Variants in DUSP4 observed in about 807,000 individuals in gnomAD.
DUSP4 encodes the protein dual specificity phosphatase 4, also known as dual specificity protein phosphatase 4.
In DUSP4, 12 loss-of-function variants were observed where a neutral mutation model predicts 27.2. The ratio of observed to expected loss-of-function variants is 0.44; its 90% CI spans 0.28 to 0.71. DUSP4 has a LOEUF of 0.71. Among genes scored for constraint, DUSP4 ranks in the 30% least tolerant of loss-of-function variants. The pLI, the probability that DUSP4 is intolerant of heterozygous loss-of-function variation, is 0.14. For missense variants in DUSP4, 448 were observed against 551.3 expected (o/e 0.81, Z 1.88); for synonymous variants, 257 against 245.2 (o/e 1.05, Z -0.45).
At chr8:29,347,685 G>A (rs1817754741) in intron 1 of DUSP4, 1 of 935,268 alleles carries the variant, frequency 1.1e-6, no homozygotes, top group South Asian at 4.9e-5. Flanking sequence ...CCCGCGTCGG[G>A]GCCGACTACG....
Position 29,336,497 on chromosome 8 carries a change from C to G in DUSP4, c.*529G>C, listed in dbSNP as rs1817574618. On this transcript the variant is annotated 3_prime_UTR_variant, in exon 4 of 4. Transcript: ENST00000240100. ...TACTTTATTATTAAGCATAATTATT[C>G]ATCTGTTGGTGACTGAGAAATGAAA... 1 of 152,482 alleles carries G rather than the reference C, an allele frequency of 6.6e-6. No individual in the cohort carries two copies. Among genetic ancestry groups the G allele is most frequent in the African/African-American group, 2.4e-5 (1 of 41,424 alleles). The allele number at this position is 152,482 out of a possible 1,614,324, so 9.4% of individuals were successfully genotyped here.
chr8:29,345,412 G>A, intron 1 of DUSP4: 1 of 1,613,790 alleles, frequency 6.2e-7, no homozygotes, highest in Non-Finnish European at 8.5e-7. Context: ...CCTGCCAGCT[G>A]GCTGACACCT....
chr8:29,338,524 G>A (rs1817612218), intron 2 of DUSP4, 23 bp from the exon 3 acceptor site: 20 of 1,605,216 alleles, frequency 1.2e-5, no homozygotes, highest in Non-Finnish European at 1.3e-5. Context: ...GGAAACAAAG[G>A]CCCCTGAATG....
Position 29,338,432 on chromosome 8 carries a change from G to C in DUSP4, c.649C>G (p.Leu217Val). The C allele has an allele frequency of 6.2e-7, 1 of 1,614,200 alleles. No homozygotes were observed. The highest frequency in any genetic ancestry group is 8.5e-7 in the Non-Finnish European group (1 of 1,180,042). The change falls in exon 3 of 4, where the codon CTG becomes GTG. Residue 217 changes from leucine to valine, a missense_variant. By Grantham distance (32) the Leu-to-Val change is conservative. Transcript: ENST00000240100. ...SAYHAARRDM[L>V]DALGITALLN... is the part of the protein sequence containing the mutation. Reference sequence around the variant, plus strand: ...AGAGCCGTGATGCCCAGGGCGTCCAGCATGTCTCTCCGGGCAGCATGGTAG... The same window carrying C: ...AGAGCCGTGATGCCCAGGGCGTCCACCATGTCTCTCCGGGCAGCATGGTAG...
In DUSP4 at chr8:29,335,445, C is replaced by T. The variant is rs1032553534; in HGVS notation, c.*1581G>A. 1 of 152,214 alleles carries T rather than the reference C, an allele frequency of 6.6e-6. No homozygotes were observed. The highest frequency in any genetic ancestry group is 2.4e-5 in the African/African-American group (1 of 41,436). 9.4% of individuals were successfully genotyped at this position (152,214 alleles called of 1,614,324 possible). On this transcript the variant is annotated 3_prime_UTR_variant, in exon 4 of 4. Transcript: ENST00000240100. ...TTGGGAAATTCATACCAATGGAATC[C>T]GATGTAAGCAATCCACCATCAGCTC...
In DUSP4 at chr8:29,337,289, C is replaced by T. The variant is rs1276207916; in HGVS notation, c.922G>A (p.Glu308Lys). ...KKRVRLEEAF[E>K]FVKQRRSIIS... Reference sequence around the variant, plus strand: ...ATGCTGCGGCGCTGCTTAACGAACTCGAAGGCCTCCTCCAGCCTCACCCGT... The same window carrying T: ...ATGCTGCGGCGCTGCTTAACGAACTTGAAGGCCTCCTCCAGCCTCACCCGT... The change falls in exon 4 of 4, where the codon GAG (glutamate) becomes AAG (lysine). Residue 308 changes from glutamate (E) to lysine (K), a missense_variant. Physicochemically the swap from Glu to Lys is moderately conservative, Grantham distance 56. Transcript: ENST00000240100. The surrounding 1 kb of genome is among the most constrained non-coding windows in gnomAD (Gnocchi z 6.4). 7.4e-6 allele frequency: 12 copies of T among 1,613,312 alleles called. No homozygotes were observed. Among genetic ancestry groups the T allele is most frequent in the Admixed American group, 1.7e-5 (1 of 60,012 alleles).
rs780767138 is a variant in DUSP4, at chr8:29,350,210, C to G, written c.69G>C (p.Glu23Asp). 1.9e-6 allele frequency: 3 copies of G among 1,608,720 alleles called. No individual in the cohort carries two copies. In the Admixed American group the frequency reaches 5.0e-5, roughly 27 times the overall value. ...SVLKRLMNRDENGGGAGGSGS... is the reference protein window; with the variant it reads ...SVLKRLMNRDDNGGGAGGSGS... ...CGCTGCCGCCCGCGCCGCCGCCATT[C>G]TCGTCCCGGTTCATCAGCCTTTTGA... The change falls in exon 1 of 4, where the codon GAG (glutamate) becomes GAC (aspartate). Residue 23 changes from glutamate to aspartate, a missense_variant. Glu to Asp is a conservative substitution (Grantham distance 45). This residue lies in a region of DUSP4 where 345 missense variants were observed against 394.0 expected (regional missense o/e 0.88). Coordinates refer to ENST00000240100, the MANE Select transcript of DUSP4 (RefSeq NM_001394.7).
intron 1 of DUSP4, chr8:29,347,934 G>C: frequency 1.0e-6 from 1 of 985,456 alleles, no homozygotes; most frequent in Non-Finnish European, 1.2e-6. Context: ...GCGCGCCCTG[G>C]GGATAAATCT....
intron 1 of DUSP4, chr8:29,348,404 T>C: frequency 1.0e-6 from 1 of 985,578 alleles, no homozygotes; most frequent in Non-Finnish European, 1.2e-6. Flanking sequence ...TGGCACTTTC[T>C]CTTGGAGCGC....
chr8:29,336,584 A>T lies in DUSP4; in HGVS notation c.*442T>A, dbSNP rs1817576238. The stretch of plus-strand genomic sequence containing the variant: ...TCCTTTAACTACAACAACGACAACA[A>T]AGGGACAAGTACACAGAACCAGGCA... On this transcript the variant is annotated 3_prime_UTR_variant, in exon 4 of 4. Coordinates refer to ENST00000240100, the MANE Select transcript of DUSP4 (RefSeq NM_001394.7). 2 of 158,584 alleles carry T rather than the reference A, an allele frequency of 1.3e-5. No individual in the cohort carries two copies. The highest frequency in any genetic ancestry group is 2.8e-5 in the Non-Finnish European group (2 of 72,438). 9.8% of individuals were successfully genotyped at this position (158,584 alleles called of 1,614,324 possible). A position where few individuals can be genotyped will look rare whatever the true frequency, so the allele number is the denominator to read the frequency against.
In DUSP4 at chr8:29,338,253, C is replaced by A. The variant is rs112844386; in HGVS notation, c.799+29G>T. ...TTATCCTTCCCACCCGCCCTCAAAC[C>A]CAGGAACCCCAGAGCAGGGCCAGCC... On this transcript the variant is annotated intron_variant, in intron 3 of 3. Coordinates refer to ENST00000240100, the MANE Select transcript of DUSP4 (RefSeq NM_001394.7). 6 of 1,611,148 alleles carry A rather than the reference C, an allele frequency of 3.7e-6. No homozygotes were observed. In the African/African-American group the frequency reaches 5.3e-5, roughly 14 times the overall value.
chr8:29,350,304 G>A lies in DUSP4; in HGVS notation c.-26C>T, dbSNP rs751084974. On this transcript the variant is annotated 5_prime_UTR_variant, in exon 1 of 4. Transcript: ENST00000240100. ...GGTCGCCGGGAACCGAGGCGGCTGG[G>A]CGCGCGAGGAAGAGAAGAGAACCCG... 6.4e-7 allele frequency: 1 copy of A among 1,552,590 alleles called. No individual in the cohort carries two copies. Among genetic ancestry groups the A allele is most frequent in the Non-Finnish European group, 8.7e-7 (1 of 1,150,966 alleles).
chr8:29,335,454 C>A lies in DUSP4; in HGVS notation c.*1572G>T, dbSNP rs561059009. ...TCATACCAATGGAATCCGATGTAAG[C>A]AATCCACCATCAGCTCACTGATGCT... On this transcript the variant is annotated 3_prime_UTR_variant, in exon 4 of 4. Transcript: ENST00000240100. 1.3e-5 allele frequency: 2 copies of A among 152,370 alleles called. No homozygotes were observed. The highest frequency in any genetic ancestry group is 4.1e-4 in the South Asian group (2 of 4,828). The allele number at this position is 152,370 out of a possible 1,614,324, so 9.4% of individuals were successfully genotyped here.
intron 1 of DUSP4, chr8:29,346,200 G>C (rs1817732896): frequency 2.2e-6 from 1 of 449,340 alleles, no homozygotes; most frequent in Middle Eastern, 1.2e-3. Context: ...ATCATGGGCT[G>C]TATGGTCAGG....
At chr8:29,338,134 T>C (rs1161222803) in intron 3 of DUSP4, 148 bp downstream of exon 3, 3 of 781,108 alleles carry the variant, frequency 3.8e-6, no homozygotes, top group South Asian at 1.8e-5. Flanking sequence ...CAACATCCAA[T>C]GTATAAGCCT....
rs540431845 is a variant in DUSP4 at position 29,335,487 on chromosome 8, C to T, written c.*1539G>A. ...CATCAGCTCACTGATGCTCTCTTGCCCTTCCACACTTCGAGAAGACCTGAA... is the reference window on the plus strand; with the variant it reads ...CATCAGCTCACTGATGCTCTCTTGCTCTTCCACACTTCGAGAAGACCTGAA... On this transcript the variant is annotated 3_prime_UTR_variant, in exon 4 of 4. Transcript: ENST00000240100. 6.6e-6 allele frequency: 1 copy of T among 152,328 alleles called. No homozygotes were observed. Among genetic ancestry groups the T allele is most frequent in the South Asian group, 2.1e-4 (1 of 4,832 alleles). The allele number at this position is 152,328 out of a possible 1,614,324, so 9.4% of individuals were successfully genotyped here. A position where few individuals can be genotyped will look rare whatever the true frequency, so the allele number is the denominator to read the frequency against.
intron 1 of DUSP4, chr8:29,347,968 G>A (rs1174900604): frequency 2.0e-6 from 2 of 985,360 alleles, no homozygotes; most frequent in South Asian, 4.7e-5. Flanking sequence ...CTCTCTCCCC[G>A]GGAGCGGGGC....
rs1178797041 is a variant in DUSP4, at chr8:29,337,202, T to C, written c.1009A>G (p.Thr337Ala). 4 of 1,613,456 alleles carry C rather than the reference T, an allele frequency of 2.5e-6. No individual in the cohort carries two copies. Among genetic ancestry groups the C allele is most frequent in the Middle Eastern group, 1.6e-4 (1 of 6,084 alleles). Residue 337 changes from threonine to alanine, a missense_variant, in exon 4 of 4, where the codon ACG becomes GCG. By Grantham distance (58) the Thr-to-Ala change is moderately conservative (BLOSUM62 0). This residue lies in a region of DUSP4 where 100 missense variants were observed against 139.8 expected (regional missense o/e 0.72). Transcript: ENST00000240100. This position sits in a 1 kb window ranked among gnomAD's most constrained non-coding sequence, Gnocchi z 6.4. The stretch of plus-strand genomic sequence containing the variant: ...CTAGCAGCCTCCGCAGCACAGGACG[T>C]GGCCAGCACCTGGGACTCGAACTGC... Reference protein sequence around the residue: ...LLQFESQVLATSCAAEAASPS... With the variant: ...LLQFESQVLAASCAAEAASPS...
In DUSP4 at chr8:29,337,273, C is replaced by T. The variant is rs773054971; in HGVS notation, c.938G>A (p.Arg313His). 1.2e-6 allele frequency: 2 copies of T among 1,613,636 alleles called. No homozygotes were observed. Among genetic ancestry groups the T allele is most frequent in the East Asian group, 2.2e-5 (1 of 44,876 alleles). The change falls in exon 4 of 4, where the codon CGC becomes CAC. Residue 313 changes from arginine (R) to histidine (H), a missense_variant. Around this residue, in one of 3 missense-constraint regions of DUSP4, gnomAD observed 100 missense variants for 139.8 expected, o/e 0.72. Coordinates refer to ENST00000240100, the MANE Select transcript of DUSP4 (RefSeq NM_001394.7). This position sits in a 1 kb window ranked among gnomAD's most constrained non-coding sequence, Gnocchi z 6.4. ...LEEAFEFVKQ[R>H]RSIISPNFSF... is the part of the protein sequence containing the mutation. ...GAAGTTGGGCGAGATGATGCTGCGG[C>T]GCTGCTTAACGAACTCGAAGGCCTC...
Sources: gnomAD v4.1 joint callset for allele counts on GRCh38, gnomAD v4.1.1 for gene constraint, gnomAD v4.1.1 regional missense constraint, Gnocchi (gnomAD v3.1) non-coding constraint, MANE v1.5 for transcripts, NCBI Gene and HGNC (gene_info 2026-07-23, HGNC 2026-07-21) for gene names.